Variants in ARMC2 observed in about 807,000 individuals in gnomAD.
The protein encoded by ARMC2 is armadillo repeat containing 2.
In ARMC2, 67 loss-of-function variants were observed where a neutral mutation model predicts 90.3. The ratio of observed to expected loss-of-function variants is 0.74; its 90% CI spans 0.61 to 0.91. The LOEUF is 0.91. ARMC2 is among the 40% of genes least tolerant of loss of function. The pLI is 0.00. For missense variants in ARMC2, 920 were observed against 1,030.9 expected, an observed-to-expected ratio of 0.89 and a Z score of 1.47; for synonymous variants, 393 against 393.0, an observed-to-expected ratio of 1.00 and a Z score of 0.00.
At chr6:109,002,507 TAGCTAACA>T in the ARMC2 span, among the ~76,000 whole-genome samples, 1 of 152,204 alleles carries the variant, frequency 6.6e-6, no homozygotes, top group South Asian at 2.1e-4. Context: ...TAGCATTACA[TAGCTAACA>T]ACAGCTTATA....
intron 6 of ARMC2, among the ~76,000 whole-genome samples, chr6:108,896,921 T>G (rs1164025168): frequency 6.6e-6 from 1 of 152,268 alleles, no homozygotes; most frequent in Non-Finnish European, 1.5e-5. Context: ...ACTTATTTTC[T>G]GGCTTTCACT....
At chr6:108,909,555 A>G (rs1022346693) in intron 8 of ARMC2, among the ~76,000 whole-genome samples, 4 of 151,672 alleles carry the variant, frequency 2.6e-5, no homozygotes, top group Non-Finnish European at 4.4e-5. Context: ...TTATTTTTTG[A>G]CACGGGGTCT....
At chr6:108,854,583 A>AT (rs763891757) in intron 2 of ARMC2, 98 bp downstream of exon 2, 1 of 1,233,818 alleles carries the variant, frequency 8.1e-7, no homozygotes, top group Non-Finnish European at 1.1e-6. Flanking sequence ...AAATAGACTT[A>AT]TTTTTTAGAA....
chr6:108,901,270 T>C (rs1429862860), intron 7 of ARMC2, among the ~76,000 whole-genome samples: 5 of 150,660 alleles, frequency 3.3e-5, no homozygotes, highest in Admixed American at 1.3e-4. Flanking sequence ...CCCGCCACCA[T>C]GCCTGGCTAA....
At chr6:108,992,015 T>A in the ARMC2 span, among the ~76,000 whole-genome samples, 10 of 152,214 alleles carry the variant, frequency 6.6e-5, no homozygotes, top group African/African-American at 2.2e-4. Context: ...CATAAAAAAT[T>A]TCCAGCCCAC....
In ARMC2 at chr6:108,854,406, A is replaced by G. The variant is rs139532106; in HGVS notation, c.139A>G (p.Thr47Ala). 1.1e-4 allele frequency: 181 copies of G among 1,613,448 alleles called. No individual in the cohort carries two copies. The highest frequency in any genetic ancestry group is 1.5e-4 in the Non-Finnish European group (174 of 1,179,822). The change falls in exon 2 of 18, where the codon ACA becomes GCA. Residue 47 changes from threonine (T) to alanine (A), a missense_variant. Coordinates refer to ENST00000392644, the MANE Select transcript of ARMC2 (RefSeq NM_032131.6). ...AACAGTTAGAACCCAAAGACCATTT[A>G]CACCACAGGAGGCTCAAAGAAAACT... ...LRTVRTQRPF[T>A]PQEAQRKLFG...
At chr6:109,014,139 A>G in the ARMC2 span, among the ~76,000 whole-genome samples, 4 of 152,066 alleles carry the variant, frequency 2.6e-5, no homozygotes, top group Non-Finnish European at 4.4e-5. Flanking sequence ...AACTTTCTAC[A>G]TAGCTGTTTA....
the ARMC2 span, among the ~76,000 whole-genome samples, chr6:109,026,018 A>C: frequency 5.9e-5 from 9 of 151,996 alleles, no homozygotes; most frequent in Non-Finnish European, 1.3e-4. Context: ...ACCTTGGCCT[A>C]CAGTAAAACT....
the ARMC2 span, chr6:108,986,379 A>AACTC: frequency 3.7e-4 from 55 of 150,564 alleles, no homozygotes; most frequent in African/African-American, 1.4e-3. Flanking sequence ...AGTAGATAGA[A>AACTC]ACTCAAAATT....
intron 5 of ARMC2, among the ~76,000 whole-genome samples, chr6:108,886,913 T>C (rs1049133494): frequency 6.6e-6 from 1 of 151,808 alleles, no homozygotes; most frequent in African/African-American, 2.4e-5. Context: ...TTTTGTTTTT[T>C]TTTTTGAGAC....
At chr6:108,982,864 T>C in the ARMC2 span, among the ~76,000 whole-genome samples, 1 of 148,732 alleles carries the variant, frequency 6.7e-6, no homozygotes, top group Non-Finnish European at 1.5e-5. Context: ...CATGCTGGAG[T>C]GCATGGAGTA....
intron 1 of ARMC2, among the ~76,000 whole-genome samples, chr6:108,851,672 G>A (rs1298789293): frequency 2.6e-5 from 4 of 151,916 alleles, no homozygotes; most frequent in Non-Finnish European, 4.4e-5. Context: ...ATTACATGGT[G>A]GCTCACACCT....
intron 5 of ARMC2, among the ~76,000 whole-genome samples, chr6:108,879,442 C>T (rs1297363261): frequency 6.6e-6 from 1 of 151,942 alleles, no homozygotes; most frequent in Non-Finnish European, 1.5e-5. Flanking sequence ...TATCCATGCA[C>T]CCATTCACCC....
At position 108,855,373 on chromosome 6, in the gene ARMC2, C is replaced by T. The variant is rs189104899; in HGVS notation, c.218+888C>T. 4.1e-3 allele frequency among the ~76,000 whole-genome samples: 617 copies of T among 151,984 alleles called. 2 individuals carry two copies. The highest frequency in any genetic ancestry group is 0.014 in the African/African-American group (579 of 41,446). Reference sequence around the variant, plus strand: ...ACGCCATTCTCCTGCCTCAGCCTCCCAAGTAGCTGGGACTACAGGCGCCCG... The same window carrying T: ...ACGCCATTCTCCTGCCTCAGCCTCCTAAGTAGCTGGGACTACAGGCGCCCG... On this transcript the variant is annotated intron_variant, in intron 2 of 17. Transcript: ENST00000392644.
intron 12 of ARMC2, among the ~76,000 whole-genome samples, chr6:108,952,228 A>G (rs1177593073): frequency 1.3e-5 from 2 of 152,264 alleles, no homozygotes; most frequent in Non-Finnish European, 2.9e-5. Flanking sequence ...ATTGTTGTCA[A>G]ACTAAAAACA....
chr6:109,000,694 C>A, the ARMC2 span: 1 of 1,500,342 alleles, frequency 6.7e-7, no homozygotes, highest in Non-Finnish European at 8.9e-7. Context: ...AAAGATTATT[C>A]TAATTATAAA....
chr6:109,003,214 AT>A, the ARMC2 span, among the ~76,000 whole-genome samples: 2 of 151,520 alleles, frequency 1.3e-5, no homozygotes, highest in Non-Finnish European at 2.9e-5. Context: ...TCATTTAAAA[AT>A]TTTTTTTAGA....
At chr6:108,903,756 C>T (rs529213849) in intron 7 of ARMC2, among the ~76,000 whole-genome samples, 6 of 152,232 alleles carry the variant, frequency 3.9e-5, no homozygotes, top group Admixed American at 1.3e-4. Flanking sequence ...TGCATCTTTT[C>T]TGAAGCAGCT....
the ARMC2 span, among the ~76,000 whole-genome samples, chr6:109,023,749 A>T: frequency 7.2e-5 from 11 of 152,252 alleles, no homozygotes; most frequent in Non-Finnish European, 1.6e-4. Context: ...ACAAAATAAA[A>T]TGAGTAAAAT....
Sources: gnomAD v4.1 joint callset for allele counts (sites outside exome capture counted in the v4.1 genomes callset) on GRCh38, gnomAD v4.1.1 for gene constraint, MANE v1.5 for transcripts, NCBI Gene and HGNC (gene_info 2026-07-23, HGNC 2026-07-21) for gene names.